MPHOSPH8: variants seen among roughly 807,000 people sequenced by gnomAD.
MPHOSPH8 encodes the protein M-phase phosphoprotein 8, also known as M-phase phosphoprotein, mpp.
In MPHOSPH8, 45 loss-of-function variants were observed where a neutral mutation model predicts 87.3. The ratio of observed to expected loss-of-function variants is 0.52; its 90% CI spans 0.41 to 0.66. The LOEUF (loss-of-function observed/expected upper bound fraction) is 0.66, where lower values mean the gene tolerates loss of function less well. Among genes scored for constraint, MPHOSPH8 ranks in the 30% least tolerant of loss-of-function variants. MPHOSPH8 has a pLI of 0.00. For missense variants in MPHOSPH8, 883 were observed against 1,020.2 expected (o/e 0.87, Z 1.83); for synonymous variants, 366 against 376.9 (o/e 0.97, Z 0.33).
At position 19,668,628 on chromosome 13, in the gene MPHOSPH8, G is replaced by A. The variant is rs1593492706; in HGVS notation, c.2329+97G>A. The A allele has an allele frequency of 3.8e-6, 5 of 1,311,050 alleles. No individual in the cohort carries two copies. In the East Asian group the frequency reaches 1.2e-4, roughly 33 times the overall value. The allele number at this position is 1,311,050 out of a possible 1,614,324, so 81.2% of individuals were successfully genotyped here. On this transcript the variant is annotated intron_variant, in intron 11 of 13. Coordinates refer to ENST00000361479, the MANE Select transcript of MPHOSPH8 (RefSeq NM_017520.4). ...TCCTTTCTTGGAACAAAACTTTAAG[G>A]AAATTCCATTACGTGTAATAATTCT...
chr13:19,643,573 C>G (rs1565934107), intron 2 of MPHOSPH8, among the ~76,000 whole-genome samples: 1 of 152,060 alleles, frequency 6.6e-6, no homozygotes, highest in South Asian at 2.1e-4. Context: ...AAAGATGGTA[C>G]CATATACTAA....
chr13:19,634,742 T>C (rs1873902546), intron 1 of MPHOSPH8, among the ~76,000 whole-genome samples: 1 of 152,212 alleles, frequency 6.6e-6, no homozygotes, highest in African/African-American at 2.4e-5. Context: ...CGTTCTTTGT[T>C]TGTCTCTCCT....
intron 5 of MPHOSPH8, among the ~76,000 whole-genome samples, 177 bp from the exon 6 acceptor site, chr13:19,658,818 A>G (rs1316813938): frequency 6.6e-6 from 1 of 152,208 alleles, no homozygotes; most frequent in African/African-American, 2.4e-5. Context: ...TGGATCGTTC[A>G]TATTACTTCC....
At chr13:19,650,460 T>C in intron 5 of MPHOSPH8, 200 bp downstream of exon 5, 1 of 535,460 alleles carries the variant, frequency 1.9e-6, no homozygotes, top group Non-Finnish European at 3.1e-6. Flanking sequence ...TTTTTCTGAG[T>C]TCCTATAATG....
intron 7 of MPHOSPH8, chr13:19,659,772 G>A: frequency 3.3e-6 from 1 of 306,308 alleles, no homozygotes; most frequent in South Asian, 2.9e-5. Context: ...CCCTCTAAAA[G>A]TGATGGTTTG....
At chr13:19,670,747 G>A (rs1876075127) in intron 12 of MPHOSPH8, 4 of 1,190,466 alleles carry the variant, frequency 3.4e-6, no homozygotes, top group Admixed American at 3.7e-5. Context: ...ATTGCTGGGG[G>A]CATTCTAATC....
At chr13:19,644,637 G>C (rs1012894330) in intron 2 of MPHOSPH8, among the ~76,000 whole-genome samples, 5 of 152,234 alleles carry the variant, frequency 3.3e-5, no homozygotes, top group East Asian at 3.8e-4. Context: ...GCAAGAGTTT[G>C]CAACCCACCT....
intron 5 of MPHOSPH8, among the ~76,000 whole-genome samples, chr13:19,652,136 G>T (rs1874885094): frequency 6.6e-6 from 1 of 152,132 alleles, no homozygotes; most frequent in Non-Finnish European, 1.5e-5. Context: ...CGGGATTGCT[G>T]GCAAGATGGC....
At chr13:19,669,458 ACAACTGC>A (rs1387260876) in intron 11 of MPHOSPH8, among the ~76,000 whole-genome samples, 1 of 151,210 alleles carries the variant, frequency 6.6e-6, no homozygotes, top group Non-Finnish European at 1.5e-5. Flanking sequence ...ACTGACACCT[ACAACTGC>A]TGGGCCTGCA....
rs756291580 is a variant in MPHOSPH8 at position 19,648,526 on chromosome 13, G to C, written c.1318+5G>C. On this transcript the variant is annotated splice_donor_5th_base_variant and intron_variant, in intron 4 of 13. Coordinates refer to ENST00000361479, the MANE Select transcript of MPHOSPH8 (RefSeq NM_017520.4). ...AAGAGCCAAAAGGATTAAAGAGTGA[G>C]TGTAAATATTAACGTTTTGCCATTT... The C allele has an allele frequency of 1.2e-5, 17 of 1,470,246 alleles. No homozygotes were observed. The highest frequency in any genetic ancestry group is 1.5e-5 in the South Asian group (1 of 68,710). The allele number at this position is 1,470,246 out of a possible 1,614,324, so 91.1% of individuals were successfully genotyped here.
intron 8 of MPHOSPH8, 120 bp from the exon 9 acceptor site, chr13:19,662,920 G>C: frequency 1.2e-6 from 1 of 845,304 alleles, no homozygotes; most frequent in Admixed American, 2.2e-5. Context: ...GCTGCAGCCC[G>C]CAACCACTTG....
At position 19,670,818 on chromosome 13, in the gene MPHOSPH8, C is replaced by T. The variant is rs568116682; in HGVS notation, c.2458-388C>T. 3.4e-4 allele frequency: 382 copies of T among 1,119,872 alleles called. 5 individuals carry two copies. In the Middle Eastern group the frequency reaches 4.5e-3, roughly 13 times the overall value. 69.4% of individuals were successfully genotyped at this position (1,119,872 alleles called of 1,614,324 possible). A position where few individuals can be genotyped will look rare whatever the true frequency, so the allele number is the denominator to read the frequency against. Reference sequence around the variant, plus strand: ...TTAATAAATCAAGGGAAAAATAAATCACTTTTTTTTTTTTTTTGAAGACAG... The same window carrying T: ...TTAATAAATCAAGGGAAAAATAAATTACTTTTTTTTTTTTTTTGAAGACAG... On this transcript the variant is annotated intron_variant, in intron 12 of 13. Coordinates refer to ENST00000361479, the MANE Select transcript of MPHOSPH8 (RefSeq NM_017520.4).
At chr13:19,635,683 T>C (rs1057055725) in intron 1 of MPHOSPH8, among the ~76,000 whole-genome samples, 1 of 152,200 alleles carries the variant, frequency 6.6e-6, no homozygotes, top group Non-Finnish European at 1.5e-5. Context: ...AAGAAACTTA[T>C]TTGTGTAAGG....
intron 5 of MPHOSPH8, among the ~76,000 whole-genome samples, chr13:19,652,895 G>A (rs974687345): frequency 6.6e-6 from 1 of 152,158 alleles, no homozygotes; most frequent in Non-Finnish European, 1.5e-5. Context: ...TCCTCTCTGG[G>A]CAGGGCATCT....
intron 1 of MPHOSPH8, 51 bp from the exon 2 acceptor site, chr13:19,642,064 T>TTTG: frequency 1.1e-6 from 1 of 906,822 alleles, no homozygotes; most frequent in Non-Finnish European, 1.5e-6. Context: ...TTTGGAAATT[T>TTTG]AATCAAGTTA....
rs755317846 is a variant in MPHOSPH8 at position 19,633,960 on chromosome 13, G to C, written c.212G>C (p.Gly71Ala). 1 of 1,606,572 alleles carries C rather than the reference G, an allele frequency of 6.2e-7. No individual in the cohort carries two copies. Among genetic ancestry groups the C allele is most frequent in the South Asian group, 1.1e-5 (1 of 89,362 alleles). ...AAGATCCTGGACATGAAGACCGAGG[G>C]GGTATGTGGAGGGGCCCCGGCGCGG... is the stretch of plus-strand genomic sequence containing the variant. ...VEKILDMKTE[G>A]GKVLYKVRWK... Residue 71 changes from glycine to alanine, a missense_variant and splice_region_variant, in exon 1 of 14, where the codon GGG becomes GCG. Physicochemically the swap from Gly to Ala is moderately conservative, Grantham distance 60. Transcript: ENST00000361479.
At chr13:19,652,543 T>C (rs1228134165) in intron 5 of MPHOSPH8, among the ~76,000 whole-genome samples, 10 of 152,108 alleles carry the variant, frequency 6.6e-5, no homozygotes, top group South Asian at 2.1e-4. Flanking sequence ...AAGTTTTTTT[T>C]CCATACCCCA....
At chr13:19,647,448 T>TA (rs1490036720) in intron 3 of MPHOSPH8, among the ~76,000 whole-genome samples, 157 bp downstream of exon 3, 2 of 152,252 alleles carry the variant, frequency 1.3e-5, no homozygotes, top group East Asian at 1.9e-4. Context: ...GCTTATCTCT[T>TA]AGTCTCTGGT....
chr13:19,663,500 G>A (rs1034784343), intron 9 of MPHOSPH8, among the ~76,000 whole-genome samples: 4 of 152,232 alleles, frequency 2.6e-5, no homozygotes, highest in African/African-American at 7.2e-5. Flanking sequence ...GAGGCTGCTG[G>A]CCTCGAAAGT....
Sources: allele counts gnomAD v4.1 joint callset (sites outside exome capture counted in the v4.1 genomes callset), GRCh38; gene constraint gnomAD v4.1.1; transcripts MANE v1.5; gene names NCBI Gene and HGNC (gene_info 2026-07-23, HGNC 2026-07-21).